ARL15: variants seen among roughly 807,000 people sequenced by gnomAD.
The protein encoded by ARL15 is ADP-ribosylation factor-like protein 15.
In ARL15, 19 loss-of-function variants were observed where a neutral mutation model predicts 25.2. The ratio of observed to expected loss-of-function variants is 0.75; its 90% CI spans 0.53 to 1.10. The LOEUF (loss-of-function observed/expected upper bound fraction) is 1.10, where lower values mean the gene tolerates loss of function less well. Among genes scored for constraint, ARL15 ranks in the 50% least tolerant of loss-of-function variants. The pLI, the probability that ARL15 is intolerant of heterozygous loss-of-function variation, is 0.00. For synonymous variants in ARL15, 94 were observed against 86.8 expected (o/e 1.08, Z -0.46); for missense variants, 220 against 246.0 (o/e 0.89, Z 0.71).
At chr5:54,146,790 G>A (rs576465152) in intron 3 of ARL15, among the ~76,000 whole-genome samples, 1 of 152,248 alleles carries the variant, frequency 6.6e-6, no homozygotes, top group South Asian at 2.1e-4. Context: ...ATCATTTCTA[G>A]AACATTCTAC....
At chr5:54,017,721 T>C (rs1749471158) in intron 4 of ARL15, among the ~76,000 whole-genome samples, 1 of 151,812 alleles carries the variant, frequency 6.6e-6, no homozygotes, top group South Asian at 2.1e-4. Context: ...TGAAAACTAG[T>C]TTTTAAAAGG....
intron 1 of ARL15, among the ~76,000 whole-genome samples, chr5:54,232,110 C>T (rs930645323): frequency 6.6e-6 from 1 of 152,194 alleles, no homozygotes; most frequent in Non-Finnish European, 1.5e-5. Context: ...TAACTAACCC[C>T]TCACTCTTTA....
intron 3 of ARL15, among the ~76,000 whole-genome samples, chr5:54,139,336 A>T (rs1753700793): frequency 6.6e-6 from 1 of 152,260 alleles, no homozygotes; most frequent in Non-Finnish European, 1.5e-5. Context: ...TCAGCCATTA[A>T]AAAAGAACAG....
Position 54,240,149 on chromosome 5 carries a change from C to A in ARL15, c.49-68221G>T, listed in dbSNP as rs1756920103. Among the ~76,000 whole-genome samples, 3 of 151,526 alleles carry A rather than the reference C, an allele frequency of 2.0e-5. No individual in the cohort carries two copies. In the South Asian group the frequency reaches 6.3e-4, roughly 32 times the overall value. ...GGCTGAGGCAGGAGAATGGCATGAA[C>A]CCGGGAGGCGGAGCTTGCAGTGAGC... On this transcript the variant is annotated intron_variant, in intron 1 of 4. Transcript: ENST00000504924.
At chr5:53,970,326 A>G (rs1747697796) in intron 4 of ARL15, among the ~76,000 whole-genome samples, 1 of 152,198 alleles carries the variant, frequency 6.6e-6, no homozygotes, top group African/African-American at 2.4e-5. Context: ...GAGGGTACAA[A>G]AAAGTCCATA....
intron 4 of ARL15, among the ~76,000 whole-genome samples, chr5:54,082,858 G>A (rs1210745200): frequency 6.6e-6 from 1 of 152,096 alleles, no homozygotes; most frequent in Admixed American, 6.6e-5. Context: ...GGTATATTAA[G>A]GAAATAGAGG....
intron 4 of ARL15, among the ~76,000 whole-genome samples, chr5:53,997,803 G>A (rs72764754): frequency 0.055 from 8,373 of 151,840 alleles, 343 homozygotes; most frequent in Non-Finnish European, 0.082. Flanking sequence ...AAAGAGGGAC[G>A]CTTTGGAAAT....
chr5:54,013,742 G>T (rs1283571136), intron 4 of ARL15, among the ~76,000 whole-genome samples: 1 of 152,066 alleles, frequency 6.6e-6, no homozygotes, highest in Non-Finnish European at 1.5e-5. Flanking sequence ...GACTCAACCA[G>T]TTCTGTGGCC....
intron 1 of ARL15, among the ~76,000 whole-genome samples, chr5:54,221,571 A>G (rs1449011709): frequency 6.6e-6 from 1 of 152,130 alleles, no homozygotes; most frequent in African/African-American, 2.4e-5. Context: ...ACACACACAC[A>G]CTTCATACAT....
At chr5:54,268,772 A>ATT in intron 1 of ARL15, among the ~76,000 whole-genome samples, 2 of 152,314 alleles carry the variant, frequency 1.3e-5, no homozygotes, top group Admixed American at 1.3e-4. Flanking sequence ...ACATGCACAC[A>ATT]TATGTTTATG....
At chr5:54,204,153 CTG>C (rs2112489982) in intron 1 of ARL15, among the ~76,000 whole-genome samples, 1 of 152,262 alleles carries the variant, frequency 6.6e-6, no homozygotes, top group East Asian at 1.9e-4. Flanking sequence ...AAATCAATGT[CTG>C]TGTTTGTAAA....
chr5:54,020,587 T>C (rs947371059), intron 4 of ARL15, among the ~76,000 whole-genome samples: 5 of 152,094 alleles, frequency 3.3e-5, no homozygotes, highest in African/African-American at 1.2e-4. Flanking sequence ...CATGAAATAA[T>C]AGCCAAAGTG....
intron 2 of ARL15, among the ~76,000 whole-genome samples, chr5:54,155,691 C>CACACAT (rs1754208029): frequency 6.6e-6 from 1 of 151,714 alleles, no homozygotes; most frequent in Non-Finnish European, 1.5e-5. Flanking sequence ...CACACACACA[C>CACACAT]ACACACACAC....
chr5:54,089,510 G>C (rs952718881), intron 4 of ARL15, among the ~76,000 whole-genome samples: 1 of 151,904 alleles, frequency 6.6e-6, no homozygotes, highest in Non-Finnish European at 1.5e-5. Context: ...CAATAGAAAA[G>C]GATATCTTTT....
intron 4 of ARL15, among the ~76,000 whole-genome samples, chr5:53,990,943 A>T (rs1748469579): frequency 1.3e-5 from 2 of 152,198 alleles, no homozygotes; most frequent in Admixed American, 1.3e-4. Flanking sequence ...CGAATATCTT[A>T]ACAAAGAAAC....
At chr5:53,912,966 A>G (rs1413874654) in intron 4 of ARL15, among the ~76,000 whole-genome samples, 1 of 152,220 alleles carries the variant, frequency 6.6e-6, no homozygotes, top group African/African-American at 2.4e-5. Flanking sequence ...AGTACTAGGA[A>G]GATGAAGCAG....
intron 4 of ARL15, among the ~76,000 whole-genome samples, chr5:54,002,884 G>C (rs3776718): frequency 0.28 from 41,920 of 152,038 alleles, 6,020 homozygotes; most frequent in East Asian, 0.46. Flanking sequence ...GATACCCAGA[G>C]TGGTTTCTAT....
intron 3 of ARL15, among the ~76,000 whole-genome samples, chr5:54,128,867 G>A (rs992877243): frequency 4.6e-5 from 7 of 151,690 alleles, no homozygotes; most frequent in Admixed American, 1.3e-4. Flanking sequence ...CACCACGCCC[G>A]GCTAATTTTT....
At chr5:53,925,344 T>A (rs1266459064) in intron 4 of ARL15, among the ~76,000 whole-genome samples, 1 of 152,096 alleles carries the variant, frequency 6.6e-6, no homozygotes, top group Non-Finnish European at 1.5e-5. Flanking sequence ...CACAGCTGCA[T>A]GCCACCATGC....
Sources: gnomAD v4.1 joint callset for allele counts (sites outside exome capture counted in the v4.1 genomes callset) on GRCh38, gnomAD v4.1.1 for gene constraint, MANE v1.5 for transcripts, NCBI Gene and HGNC (gene_info 2026-07-23, HGNC 2026-07-21) for gene names.